PEAK1: variants seen among roughly 807,000 people sequenced by gnomAD.
The protein encoded by PEAK1 is inactive tyrosine-protein kinase PEAK1.
Under a neutral mutation model 124.7 loss-of-function variants are expected in PEAK1, and 54 were observed. That is an observed-to-expected ratio of 0.43 (90% CI 0.35 to 0.54). The LOEUF (loss-of-function observed/expected upper bound fraction) is 0.54. Among genes scored for constraint, PEAK1 ranks in the 20% least tolerant of loss-of-function variants. The probability of loss-of-function intolerance (pLI) is 0.01; values close to 1 mark genes in which losing one functional copy is unlikely to be tolerated. For missense variants in PEAK1, 2,046 were observed against 2,134.5 expected (o/e 0.96, Z 0.82); for synonymous variants, 719 against 760.0 (o/e 0.95, Z 0.89).
intron 1 of PEAK1, chr15:77,401,932 C>T (rs2071402853): frequency 1.0e-6 from 1 of 983,530 alleles, no homozygotes; most frequent in Admixed American, 6.1e-5. Context: ...GGCGCAGTGG[C>T]TCACACCTGT....
chr15:77,268,555 GGAA>G (rs2061861469), intron 5 of PEAK1, among the ~76,000 whole-genome samples: 1 of 151,986 alleles, frequency 6.6e-6, no homozygotes, highest in Non-Finnish European at 1.5e-5. Context: ...GTGTTTCTGG[GGAA>G]GAAGAGAAAT....
At chr15:77,420,624 T>TTAAAA (rs555708489), upstream of PEAK1, 12 of 331,230 alleles carry the variant, frequency 3.6e-5, no homozygotes, top group Admixed American at 2.5e-4. Context: ...GCCTTCGCAA[T>TTAAAA]AAAAAAAAAA....
chr15:77,336,521 C>T (rs768907167), intron 2 of PEAK1: 3 of 985,270 alleles, frequency 3.0e-6, no homozygotes, highest in Non-Finnish European at 3.6e-6. Context: ...TTGCTTGTTG[C>T]TTGTTGCCCA....
intron 2 of PEAK1, chr15:77,335,678 C>A (rs528950522): frequency 6.6e-6 from 5 of 758,240 alleles, no homozygotes; most frequent in Admixed American, 1.3e-4. Flanking sequence ...CAGGGTCTTG[C>A]CCAGGCTGAC....
At chr15:77,399,859 T>A (rs2071208619) in intron 1 of PEAK1, among the ~76,000 whole-genome samples, 1 of 151,944 alleles carries the variant, frequency 6.6e-6, no homozygotes, top group Admixed American at 6.6e-5. Flanking sequence ...AAGAAAACAA[T>A]CAATAAAGTG....
intron 7 of PEAK1, among the ~76,000 whole-genome samples, chr15:77,176,070 G>A (rs958926351): frequency 6.6e-6 from 1 of 151,908 alleles, no homozygotes; most frequent in African/African-American, 2.4e-5. Flanking sequence ...CATGGACACA[G>A]GAAGGGGAAC....
rs375833668 is a variant in PEAK1 at position 77,181,886 on chromosome 15, G to C, written c.41C>G (p.Pro14Arg). ...TTTAAAGCAATTCTTGCATTCACCA[G>C]GTTTCCAAACATGTTCAGTAAAGGT... is the stretch of plus-strand genomic sequence containing the variant. ...CNTFTEHVWK[P>R]GECKNCFKPK... Residue 14 changes from proline to arginine, a missense_variant, in exon 7 of 10, where the codon CCT becomes CGT. Pro to Arg is a moderately radical substitution (Grantham distance 103). Transcript: ENST00000682557. The C allele has an allele frequency of 9.3e-5, 149 of 1,599,234 alleles. No individual in the cohort carries two copies. The highest frequency in any genetic ancestry group is 1.2e-4 in the Non-Finnish European group (137 of 1,171,174).
rs1029442522 is a variant in PEAK1, at chr15:77,265,336, A to G, written c.-274-12810T>C. ...AATAGACAACCCACAAAATGGGAGA[A>G]AATTTTCGCAACCTACTCATCTGAC... On this transcript the variant is annotated intron_variant, in intron 5 of 9. Coordinates refer to ENST00000682557, the MANE Select transcript of PEAK1 (RefSeq NM_001385026.1). Among the ~76,000 whole-genome samples, 4 of 152,220 alleles carry G rather than the reference A, an allele frequency of 2.6e-5. No individual in the cohort carries two copies. The South Asian group carries it at 6.2e-4, about 24-fold the overall frequency.
chr15:77,285,862 T>C (rs2062902813), intron 3 of PEAK1, among the ~76,000 whole-genome samples: 1 of 152,232 alleles, frequency 6.6e-6, no homozygotes, highest in African/African-American at 2.4e-5. Flanking sequence ...CCTTCAGTTC[T>C]GCTCTGATCT....
chr15:77,137,136 A>AG (rs1352474529), intron 8 of PEAK1, among the ~76,000 whole-genome samples: 5 of 152,218 alleles, frequency 3.3e-5, no homozygotes, highest in African/African-American at 1.2e-4. Flanking sequence ...ACCTCTGCCT[A>AG]GGTTTCAGAG....
intron 6 of PEAK1, among the ~76,000 whole-genome samples, chr15:77,189,034 A>C (rs2057693565): frequency 6.6e-6 from 1 of 151,888 alleles, no homozygotes; most frequent in Non-Finnish European, 1.5e-5. Flanking sequence ...AACTCTGTCC[A>C]TACTAAAAAT....
intron 6 of PEAK1, among the ~76,000 whole-genome samples, chr15:77,235,510 G>A (rs2060080949): frequency 6.6e-6 from 1 of 152,110 alleles, no homozygotes; most frequent in African/African-American, 2.4e-5. Context: ...ATGATTTAGG[G>A]TATCTGGCAG....
In PEAK1 at chr15:77,133,649, G is replaced by T; in HGVS notation, c.3433C>A (p.Pro1145Thr). 1 of 1,614,120 alleles carries T rather than the reference G, an allele frequency of 6.2e-7. No homozygotes were observed. The highest frequency in any genetic ancestry group is 8.5e-7 in the Non-Finnish European group (1 of 1,180,022). Reference protein sequence around the residue: ...AFGGKTDQEAPNASQPTPPPL... With the variant: ...AFGGKTDQEATNASQPTPPPL... ...GGTGGTGTAGGTTGGGAAGCATTGG[G>T]TGCTTCTTGGTCTGTTTTCCCTCCA... Residue 1145 changes from proline (P) to threonine (T), a missense_variant, in exon 9 of 10, where the codon CCC becomes ACC. Physicochemically the swap from Pro to Thr is conservative, Grantham distance 38. Transcript: ENST00000682557. This position sits in a 1 kb window ranked among gnomAD's most constrained non-coding sequence, Gnocchi z 4.2.
chr15:77,263,546 C>A (rs1180645526), intron 5 of PEAK1, among the ~76,000 whole-genome samples: 1 of 152,130 alleles, frequency 6.6e-6, no homozygotes, highest in African/African-American at 2.4e-5. Context: ...CCTCCCAAGA[C>A]TAAACCAGGA....
chr15:77,193,353 T>G (rs950570833), intron 6 of PEAK1, among the ~76,000 whole-genome samples: 57 of 152,226 alleles, frequency 3.7e-4, no homozygotes, highest in African/African-American at 1.4e-3. Context: ...TTTATTGATC[T>G]TGTTTGTACA....
At chr15:77,217,967 G>A (rs1284001469) in intron 6 of PEAK1, among the ~76,000 whole-genome samples, 1 of 152,100 alleles carries the variant, frequency 6.6e-6, no homozygotes, top group Admixed American at 6.5e-5. Flanking sequence ...TCTATTGACT[G>A]TGTATAATGC....
chr15:77,351,569 C>G, intron 2 of PEAK1: 1 of 332,316 alleles, frequency 3.0e-6, no homozygotes, highest in Non-Finnish European at 4.3e-6. Context: ...TGAAAAACTC[C>G]GTTAACAGGG....
In PEAK1 at chr15:77,300,632, G is replaced by T. The variant is rs537420912; in HGVS notation, c.-602-14128C>A. 5.9e-5 allele frequency among the ~76,000 whole-genome samples: 9 copies of T among 152,134 alleles called. No homozygotes were observed. In the South Asian group the frequency reaches 1.9e-3, roughly 31 times the overall value. ...CAATATAAATACATTATTAACTAAA[G>T]TCCATATTTTATTCAGGTATCTTCA... On this transcript the variant is annotated intron_variant, in intron 2 of 9. Coordinates refer to ENST00000682557, the MANE Select transcript of PEAK1 (RefSeq NM_001385026.1).
intron 6 of PEAK1, among the ~76,000 whole-genome samples, chr15:77,240,412 G>A (rs958447384): frequency 1.3e-5 from 2 of 151,942 alleles, no homozygotes; most frequent in South Asian, 4.2e-4. Context: ...TTGAGCCCAG[G>A]AGTTCAAGAC....
Sources: allele counts gnomAD v4.1 joint callset (sites outside exome capture counted in the v4.1 genomes callset), GRCh38; gene constraint gnomAD v4.1.1; non-coding constraint Gnocchi (gnomAD v3.1); transcripts MANE v1.5; gene names NCBI Gene and HGNC (gene_info 2026-07-23, HGNC 2026-07-21).